PRR16: variants seen among roughly 807,000 people sequenced by gnomAD.
PRR16 encodes the protein protein Largen.
Under a neutral mutation model 18.2 loss-of-function variants are expected in PRR16, and 6 were observed. The observed-to-expected ratio is 0.33, with a 90% confidence interval of 0.18 to 0.65. The LOEUF is 0.65. PRR16 is among the 30% of genes least tolerant of loss of function. PRR16 has a pLI of 0.74. For missense variants in PRR16, 412 were observed against 376.6 expected (o/e 1.09, Z -0.78); for synonymous variants, 151 against 147.8 (o/e 1.02, Z -0.16).
the PRR16 span, among the ~76,000 whole-genome samples, chr5:120,759,939 C>G: frequency 1.1e-4 from 17 of 152,186 alleles, no homozygotes; most frequent in African/African-American, 4.1e-4. Flanking sequence ...GAACCTAACT[C>G]TAATAACAAT....
At chr5:120,743,024 C>T in the PRR16 span, among the ~76,000 whole-genome samples, 1 of 152,180 alleles carries the variant, frequency 6.6e-6, no homozygotes, top group Admixed American at 6.5e-5. Context: ...AATCTTCCAT[C>T]TAAAAATCTT....
chr5:120,764,670 C>T, the PRR16 span, among the ~76,000 whole-genome samples: 1 of 146,824 alleles, frequency 6.8e-6, no homozygotes, highest in Non-Finnish European at 1.5e-5. Flanking sequence ...GTGTTGACAA[C>T]TGAAGAATGC....
rs180957188 is a variant in PRR16, at chr5:120,581,269, A to G, written c.160-104685A>G. Among the ~76,000 whole-genome samples, 308 of 152,258 alleles carry G rather than the reference A, an allele frequency of 2.0e-3. 2 individuals carry two copies. Among genetic ancestry groups the G allele is most frequent in the African/African-American group, 6.0e-3 (250 of 41,540 alleles). ...TCTTGGTAGGATGTATGCATCCAGG[A>G]ATTTATCCATTTCTTCTAGATTTTC... is the stretch of plus-strand genomic sequence containing the variant. On this transcript the variant is annotated intron_variant, in intron 1 of 1. Transcript: ENST00000407149.
At chr5:120,773,698 G>C in the PRR16 span, among the ~76,000 whole-genome samples, 2 of 152,038 alleles carry the variant, frequency 1.3e-5, no homozygotes, top group Non-Finnish European at 2.9e-5. Flanking sequence ...TGTGAGCTAA[G>C]AGTTGGAGAG....
intron 1 of PRR16, among the ~76,000 whole-genome samples, chr5:120,675,259 C>T (rs983646536): frequency 3.3e-5 from 5 of 152,284 alleles, no homozygotes; most frequent in African/African-American, 1.2e-4. Context: ...TTATTCGGAG[C>T]TGCTGTTAAC....
the PRR16 span, among the ~76,000 whole-genome samples, chr5:120,722,430 C>T: frequency 1.3e-5 from 2 of 151,970 alleles, no homozygotes; most frequent in African/African-American, 2.4e-5. Context: ...ATAGAGTCAA[C>T]AGCCACAGTA....
In PRR16 at chr5:120,571,043, A is replaced by G. The variant is rs547069783; in HGVS notation, c.159+106398A>G. Among the ~76,000 whole-genome samples, 7 of 152,270 alleles carry G rather than the reference A, an allele frequency of 4.6e-5. No homozygotes were observed. In the East Asian group the frequency reaches 1.4e-3, roughly 29 times the overall value. On this transcript the variant is annotated intron_variant, in intron 1 of 1. Coordinates refer to ENST00000407149, the MANE Select transcript of PRR16 (RefSeq NM_001300783.2). ...TGATGTTATTTTATATACAGTGGTCATTGGAGTCTTCTCTTAGAAGACGGC... is the reference window on the plus strand; with the variant it reads ...TGATGTTATTTTATATACAGTGGTCGTTGGAGTCTTCTCTTAGAAGACGGC...
intron 1 of PRR16, among the ~76,000 whole-genome samples, chr5:120,587,649 G>GA (rs1245492000): frequency 1.3e-5 from 2 of 152,020 alleles, no homozygotes; most frequent in African/African-American, 2.4e-5. Context: ...CTACTACTCA[G>GA]AAAAAAATAT....
the PRR16 span, among the ~76,000 whole-genome samples, chr5:120,756,388 TG>T: frequency 1.3e-5 from 2 of 152,104 alleles, no homozygotes; most frequent in East Asian, 1.9e-4. Context: ...CCTTCCAAAG[TG>T]GTTGAACAAA....
chr5:120,551,389 G>A (rs187173719), intron 1 of PRR16, among the ~76,000 whole-genome samples: 17 of 151,968 alleles, frequency 1.1e-4, no homozygotes, highest in Admixed American at 1.1e-3. Flanking sequence ...TTAAAATGCC[G>A]GCTCTTTCGC....
chr5:120,499,212 C>T (rs1482318961), intron 1 of PRR16, among the ~76,000 whole-genome samples: 6 of 151,644 alleles, frequency 4.0e-5, no homozygotes, highest in Non-Finnish European at 7.4e-5. Context: ...CGGGTTCCAG[C>T]GACTCTCCTG....
At chr5:120,542,699 A>G (rs1746483218) in intron 1 of PRR16, among the ~76,000 whole-genome samples, 1 of 152,174 alleles carries the variant, frequency 6.6e-6, no homozygotes, top group South Asian at 2.1e-4. Context: ...CCAGGATGGT[A>G]TATCTTATAA....
the PRR16 span, among the ~76,000 whole-genome samples, chr5:120,775,297 C>G: frequency 6.6e-6 from 1 of 152,112 alleles, no homozygotes; most frequent in Non-Finnish European, 1.5e-5. Flanking sequence ...TCTTTGTCCT[C>G]TTCTCCTGTC....
intron 1 of PRR16, among the ~76,000 whole-genome samples, chr5:120,626,110 C>T (rs776188715): frequency 6.6e-6 from 1 of 152,010 alleles, no homozygotes; most frequent in Non-Finnish European, 1.5e-5. Flanking sequence ...TAACAATTTC[C>T]CCAAGGCTCA....
At chr5:120,633,628 G>C (rs996386630) in intron 1 of PRR16, among the ~76,000 whole-genome samples, 3 of 152,026 alleles carry the variant, frequency 2.0e-5, no homozygotes, top group African/African-American at 7.2e-5. Flanking sequence ...AAGACAAAGA[G>C]GGACATTATA....
the PRR16 span, chr5:120,789,837 CTAAGAT>C: frequency 7.2e-5 from 11 of 152,056 alleles, no homozygotes; most frequent in Non-Finnish European, 1.5e-5. Flanking sequence ...TGTAAATAAT[CTAAGAT>C]TATTATTAGC....
chr5:120,693,688 T>C, the PRR16 span, among the ~76,000 whole-genome samples: 1 of 152,234 alleles, frequency 6.6e-6, no homozygotes, highest in Non-Finnish European at 1.5e-5. Context: ...TGTTTTGCTT[T>C]AAATTTTACT....
At chr5:120,560,143 A>AT (rs1313151761) in intron 1 of PRR16, among the ~76,000 whole-genome samples, 1 of 151,532 alleles carries the variant, frequency 6.6e-6, no homozygotes, top group African/African-American at 2.4e-5. Context: ...CTCTTGTCCG[A>AT]TTTTTTTAGC....
chr5:120,641,071 G>T (rs778938946), intron 1 of PRR16, among the ~76,000 whole-genome samples: 1 of 152,124 alleles, frequency 6.6e-6, no homozygotes, highest in African/African-American at 2.4e-5. Context: ...GAGCCAAAGG[G>T]TAATAACAAA....
Sources: gnomAD v4.1 joint callset for allele counts (sites outside exome capture counted in the v4.1 genomes callset) on GRCh38, gnomAD v4.1.1 for gene constraint, MANE v1.5 for transcripts, NCBI Gene and HGNC (gene_info 2026-07-23, HGNC 2026-07-21) for gene names.